The following DDAH1 variants were observed in gnomAD, a reference collection of about 807,000 sequenced individuals.
DDAH1 encodes N(G),N(G)-dimethylarginine dimethylaminohydrolase 1.
DDAH1 carries 19 observed loss-of-function variants against 28.8 expected under a neutral mutation model. The observed-to-expected ratio is 0.66, with a 90% CI of 0.46 to 0.97. The LOEUF is 0.97. DDAH1 is among the 50% of genes least tolerant of loss of function. The probability of loss-of-function intolerance (pLI) is 0.00; values close to 1 mark genes in which losing one functional copy is unlikely to be tolerated. For synonymous variants in DDAH1, 153 were observed against 154.4 expected (o/e 0.99, Z 0.07); for missense variants, 326 against 375.9 (o/e 0.87, Z 1.10).
chr1:85,437,890 T>C (rs947695685), intron 1 of DDAH1, among the ~76,000 whole-genome samples: 2 of 152,196 alleles, frequency 1.3e-5, no homozygotes, highest in African/African-American at 4.8e-5. Flanking sequence ...GACGGCAATT[T>C]GGAACTTCTC....
chr1:85,501,263 T>A (rs1208796638), intron 1 of DDAH1, among the ~76,000 whole-genome samples: 1 of 152,222 alleles, frequency 6.6e-6, no homozygotes, highest in Admixed American at 6.5e-5. Context: ...GAACTTAGTA[T>A]AGCCTTGAGT....
exon 2 of DDAH1, chr1:85,496,220 A>T: frequency 1.0e-6 from 1 of 985,358 alleles, no homozygotes; most frequent in Non-Finnish European, 1.2e-6. Flanking sequence ...TGTATTTTGA[A>T]GCATTTCCTA....
At chr1:85,381,339 C>T (rs1650977372) in intron 1 of DDAH1, among the ~76,000 whole-genome samples, 1 of 45,842 alleles carries the variant, frequency 2.2e-5, no homozygotes, top group Non-Finnish European at 3.7e-5. Context: ...ATGTTTTCAG[C>T]CTGCATTGTT....
At chr1:85,342,305 G>A (rs992421028) in intron 4 of DDAH1, among the ~76,000 whole-genome samples, 4 of 152,066 alleles carry the variant, frequency 2.6e-5, no homozygotes, top group African/African-American at 9.7e-5. Flanking sequence ...ATCAGTAATA[G>A]TGTGAAGTTT....
chr1:85,390,641 C>T (rs919250859), intron 1 of DDAH1, among the ~76,000 whole-genome samples: 7 of 152,138 alleles, frequency 4.6e-5, no homozygotes, highest in Admixed American at 6.5e-5. Flanking sequence ...GCTTCTTAGA[C>T]GGTAGTCACA....
At chr1:85,325,974 T>C (rs1647367909) in intron 4 of DDAH1, among the ~76,000 whole-genome samples, 1 of 152,248 alleles carries the variant, frequency 6.6e-6, no homozygotes, top group South Asian at 2.1e-4. Context: ...TATGGTCCCA[T>C]TTACTTTTAC....
chr1:85,491,230 G>C (rs959212015), intron 2 of DDAH1, among the ~76,000 whole-genome samples: 8 of 151,734 alleles, frequency 5.3e-5, no homozygotes, highest in African/African-American at 1.9e-4. Context: ...TTGTATTTCT[G>C]TAGAGATGAG....
intron 1 of DDAH1, among the ~76,000 whole-genome samples, chr1:85,461,405 T>C (rs2100689059): frequency 6.6e-6 from 1 of 152,308 alleles, no homozygotes; most frequent in African/African-American, 2.4e-5. Context: ...TTTCTTGAAT[T>C]CCAAGGAAGA....
At chr1:85,557,681 T>C (rs1659013421) in intron 1 of DDAH1, among the ~76,000 whole-genome samples, 2 of 152,202 alleles carry the variant, frequency 1.3e-5, no homozygotes, top group African/African-American at 4.8e-5. Context: ...CCCCAGTATC[T>C]CAGAATGTGA....
intron 1 of DDAH1, among the ~76,000 whole-genome samples, chr1:85,428,791 T>G (rs945630202): frequency 2.6e-5 from 4 of 152,030 alleles, no homozygotes; most frequent in African/African-American, 9.7e-5. Context: ...AGATCAAGCA[T>G]TTTAGCTAGA....
intron 1 of DDAH1, among the ~76,000 whole-genome samples, chr1:85,520,712 G>A (rs6703243): frequency 0.52 from 78,999 of 152,036 alleles, 21,916 homozygotes; most frequent in Non-Finnish European, 0.61. Context: ...GCACAAAGAA[G>A]GGACCTCATT....
At chr1:85,457,578 A>T (rs1654944273) in intron 1 of DDAH1, among the ~76,000 whole-genome samples, 1 of 152,228 alleles carries the variant, frequency 6.6e-6, no homozygotes. Context: ...CACAACTATT[A>T]TCCCTTTACT....
At chr1:85,558,044 T>C (rs1659031602) in intron 1 of DDAH1, among the ~76,000 whole-genome samples, 1 of 151,554 alleles carries the variant, frequency 6.6e-6, no homozygotes, top group Non-Finnish European at 1.5e-5. Flanking sequence ...ACAAAGAAAA[T>C]GCACTTGGTC....
At chr1:85,500,156 T>C (rs951090549) in intron 1 of DDAH1, among the ~76,000 whole-genome samples, 1 of 59,422 alleles carries the variant, frequency 1.7e-5, no homozygotes, top group Non-Finnish European at 4.6e-5. Context: ...CTTTTCTTTC[T>C]TTCTTTCTCT....
At chr1:85,550,823 G>A (rs889996879) in intron 1 of DDAH1, among the ~76,000 whole-genome samples, 1 of 152,176 alleles carries the variant, frequency 6.6e-6, no homozygotes, top group Non-Finnish European at 1.5e-5. Flanking sequence ...TAAGAAGGCA[G>A]ACGTGTCATC....
chr1:85,568,347 A>C (rs1223864829), intron 1 of DDAH1, among the ~76,000 whole-genome samples: 1 of 152,232 alleles, frequency 6.6e-6, no homozygotes, highest in Non-Finnish European at 1.5e-5. Flanking sequence ...GGAATCAAAT[A>C]AAACAATATC....
At chr1:85,531,131 G>A (rs1658078906) in intron 1 of DDAH1, among the ~76,000 whole-genome samples, 1 of 151,678 alleles carries the variant, frequency 6.6e-6, no homozygotes, top group South Asian at 2.1e-4. Flanking sequence ...TTTGACTAGT[G>A]AAACCTTATT....
At chr1:85,415,905 A>C (rs1228578425) in intron 1 of DDAH1, among the ~76,000 whole-genome samples, 1 of 152,170 alleles carries the variant, frequency 6.6e-6, no homozygotes, top group African/African-American at 2.4e-5. Context: ...TATACTTTTC[A>C]ATAATTAAAA....
chr1:85,336,472 A>G (rs578179856), intron 4 of DDAH1, among the ~76,000 whole-genome samples: 87 of 151,998 alleles, frequency 5.7e-4, no homozygotes, highest in Non-Finnish European at 1.1e-3. Context: ...AAGAAAGAAA[A>G]AAAAATTCCA....
Sources: allele counts gnomAD v4.1 joint callset (sites outside exome capture counted in the v4.1 genomes callset), GRCh38; gene constraint gnomAD v4.1.1; transcripts MANE v1.5; gene names NCBI Gene and HGNC (gene_info 2026-07-23, HGNC 2026-07-21).